The following NLGN4Y variants were observed in gnomAD, a reference collection of about 807,000 sequenced individuals.
NLGN4Y encodes neuroligin-4, Y-linked.
In NLGN4Y, 4 loss-of-function variants were observed where a neutral mutation model predicts 8.4. That is an observed-to-expected ratio of 0.48 (90% CI 0.23 to 1.09). The LOEUF (loss-of-function observed/expected upper bound fraction) is 1.09, where lower values mean the gene tolerates loss of function less well. NLGN4Y is among the 50% of genes least tolerant of loss of function. The pLI is 0.19. For synonymous variants in NLGN4Y, 35 were observed against 75.6 expected, an observed-to-expected ratio of 0.46 and a Z score of 2.78; for missense variants, 90 against 192.3, an observed-to-expected ratio of 0.47 and a Z score of 3.15.
intron 2 of NLGN4Y, among the ~76,000 whole-genome samples, chrY:14,624,039 A>G (rs765432395): frequency 3.0e-5 from 1 of 33,430 alleles, no homozygotes; most frequent in African/African-American, 1.2e-4. Context: ...CATGTGTGTG[A>G]TGAGAAAGAG....
chrY:14,587,871 A>G (rs2150489557), intron 1 of NLGN4Y, among the ~76,000 whole-genome samples: 1 of 33,472 alleles, frequency 3.0e-5, no homozygotes, highest in South Asian at 6.8e-4. Flanking sequence ...CTACGTGTCT[A>G]AAATTGTAGA....
chrY:14,657,970 C>T (rs113193086), intron 2 of NLGN4Y, among the ~76,000 whole-genome samples: 24 of 33,401 alleles, frequency 7.2e-4, no homozygotes, highest in African/African-American at 2.7e-3. Flanking sequence ...AACTTTAAAA[C>T]TTTAAAAAAG....
At chrY:14,534,045 G>T in intron 1 of NLGN4Y, among the ~76,000 whole-genome samples, 1 of 33,203 alleles carries the variant, frequency 3.0e-5, no homozygotes, top group African/African-American at 1.2e-4. Flanking sequence ...AAACAGTGCT[G>T]CAGTAACCAT....
At chrY:14,705,939 G>C (rs769558249) in intron 2 of NLGN4Y, among the ~76,000 whole-genome samples, 5 of 33,619 alleles carry the variant, frequency 1.5e-4, no homozygotes, top group African/African-American at 5.8e-4. Context: ...TGGAGTCATA[G>C]AGTAAATAGT....
intron 2 of NLGN4Y, among the ~76,000 whole-genome samples, chrY:14,635,551 C>CT (rs1285081993): frequency 2.5e-3 from 67 of 27,309 alleles, no homozygotes; most frequent in Admixed American, 0.017. Flanking sequence ...CTTTTCTTTT[C>CT]TTTTTTTTTG....
intron 4 of NLGN4Y, among the ~76,000 whole-genome samples, chrY:14,785,918 CAAAAAGAA>C (rs2042965379): frequency 9.5e-5 from 3 of 31,447 alleles, no homozygotes; most frequent in Non-Finnish European, 1.5e-4. Flanking sequence ...AAAACGGAAC[CAAAAAGAA>C]AAAAAGAAAA....
intron 2 of NLGN4Y, among the ~76,000 whole-genome samples, chrY:14,667,398 A>AAC (rs2080695543): frequency 6.3e-5 from 2 of 31,605 alleles, no homozygotes; most frequent in Admixed American, 3.0e-4. Context: ...GAAGTTGGAA[A>AAC]ACACACACAC....
chrY:14,736,868 C>G, intron 4 of NLGN4Y, among the ~76,000 whole-genome samples: 1 of 32,817 alleles, frequency 3.0e-5, no homozygotes, highest in South Asian at 6.8e-4. Context: ...TATAAATTAC[C>G]CAGTCTTGGG....
chrY:14,828,279 ATATG>A (rs2043156374), intron 5 of NLGN4Y, among the ~76,000 whole-genome samples: 2 of 31,185 alleles, frequency 6.4e-5, no homozygotes, highest in African/African-American at 1.3e-4. Context: ...GTGTATATAT[ATATG>A]TGTGTGTGTA....
intron 1 of NLGN4Y, among the ~76,000 whole-genome samples, chrY:14,555,522 A>G: frequency 3.0e-5 from 1 of 32,990 alleles, no homozygotes; most frequent in Non-Finnish European, 7.4e-5. Context: ...TGATTTCAAC[A>G]TAGGAATTTG....
chrY:14,728,797 G>A, intron 4 of NLGN4Y, among the ~76,000 whole-genome samples: 2 of 33,429 alleles, frequency 6.0e-5, no homozygotes, highest in Non-Finnish European at 1.5e-4. Context: ...TTTCAATTTT[G>A]AAAGGTATAA....
intron 1 of NLGN4Y, among the ~76,000 whole-genome samples, chrY:14,532,525 G>A: frequency 3.1e-5 from 1 of 32,703 alleles, no homozygotes; most frequent in Admixed American, 2.8e-4. Flanking sequence ...CTCTTATATA[G>A]AGCCACCTAG....
At chrY:14,579,544 C>T (rs2150485158) in intron 1 of NLGN4Y, among the ~76,000 whole-genome samples, 1 of 31,926 alleles carries the variant, frequency 3.1e-5, no homozygotes, top group South Asian at 7.2e-4. Flanking sequence ...CCCATCTCTA[C>T]AGAAAAAAAA....
At chrY:14,554,053 C>G in intron 1 of NLGN4Y, among the ~76,000 whole-genome samples, 1 of 31,997 alleles carries the variant, frequency 3.1e-5, no homozygotes, top group East Asian at 8.0e-4. Flanking sequence ...GATAGGAGCT[C>G]TCTTAGCTCA....
At chrY:14,682,878 G>A in intron 2 of NLGN4Y, among the ~76,000 whole-genome samples, 1 of 32,089 alleles carries the variant, frequency 3.1e-5, no homozygotes, top group African/African-American at 1.2e-4. Context: ...TGTGCCTATG[G>A]TCCCAGCTAC....
intron 2 of NLGN4Y, among the ~76,000 whole-genome samples, chrY:14,687,270 G>A (rs760756285): frequency 3.1e-5 from 1 of 32,468 alleles, no homozygotes; most frequent in African/African-American, 1.2e-4. Context: ...AAGAAGCCAC[G>A]ATGATATATG....
rs763320622 is a variant in NLGN4Y at position 14,842,287 on chromosome Y, G to GAC, written c.*1037_*1038dup. On this transcript the variant is annotated 3_prime_UTR_variant, in exon 7 of 7. Transcript: ENST00000684976. The stretch of plus-strand genomic sequence containing the variant: ...AATGTATTTAAAACTTGTTGAATTA[G>GAC]ACACACACACACAGACACACACAAA... 3 of 121,551 alleles carry GAC rather than the reference G, an allele frequency of 2.5e-5. No individual in the cohort carries two copies. Among genetic ancestry groups the GAC allele is most frequent in the Admixed American group, 2.0e-4 (2 of 9,854 alleles). The allele number at this position is 121,551 out of a possible 400,897, so 30.3% of individuals were successfully genotyped here.
chrY:14,546,944 A>G (rs371411059), intron 1 of NLGN4Y, among the ~76,000 whole-genome samples: 6 of 33,856 alleles, frequency 1.8e-4, no homozygotes, highest in South Asian at 6.5e-4. Context: ...ATTTTGAGAT[A>G]GGTCCCATCA....
intron 1 of NLGN4Y, among the ~76,000 whole-genome samples, chrY:14,621,708 G>A (rs2080508881): frequency 6.0e-5 from 2 of 33,221 alleles, no homozygotes; most frequent in South Asian, 7.0e-4. Context: ...CTACTCGGGA[G>A]GCTGAGGTGG....
Sources: allele counts gnomAD v4.1 joint callset (sites outside exome capture counted in the v4.1 genomes callset), GRCh38; gene constraint gnomAD v4.1.1; transcripts MANE v1.5; gene names NCBI Gene and HGNC (gene_info 2026-07-23, HGNC 2026-07-21).